ANKRD33B: variants seen among roughly 807,000 people sequenced by gnomAD.
The protein encoded by ANKRD33B is ankyrin repeat domain 33B, also known as ankyrin repeat domain-containing protein 33B.
In ANKRD33B, 6 loss-of-function variants were observed where a neutral mutation model predicts 21.5. The ratio of observed to expected loss-of-function variants is 0.28; its 90% CI spans 0.15 to 0.55. ANKRD33B has a LOEUF of 0.55. Among genes scored for constraint, ANKRD33B ranks in the 20% least tolerant of loss-of-function variants. The probability of loss-of-function intolerance (pLI) is 0.94; values close to 1 mark genes in which losing one functional copy is unlikely to be tolerated. For missense variants in ANKRD33B, 698 were observed against 747.2 expected (o/e 0.93, Z 0.77); for synonymous variants, 347 against 342.4 (o/e 1.01, Z -0.15).
chr5:10,587,044 T>G (rs868819281), intron 1 of ANKRD33B, among the ~76,000 whole-genome samples: 7 of 151,652 alleles, frequency 4.6e-5, no homozygotes, highest in Non-Finnish European at 8.8e-5. Context: ...AGATGGAGTC[T>G]CGCTCTGTCG....
chr5:10,652,066 CTGGTT>C lies in ANKRD33B; in HGVS notation c.*1954_*1958del, dbSNP rs1464242444. 1 of 152,280 alleles carries C rather than the reference CTGGTT, an allele frequency of 6.6e-6. No homozygotes were observed. The highest frequency in any genetic ancestry group is 1.5e-5 in the Non-Finnish European group (1 of 68,054). The allele number at this position is 152,280 out of a possible 1,614,324, so 9.4% of individuals were successfully genotyped here. A position where few individuals can be genotyped will look rare whatever the true frequency, so the allele number is the denominator to read the frequency against. ...GAGGAGGTGGAGACTGTAACTGACA[CTGGTT>C]ATCTTTGGGGTTGTCTTTCCTGAAT... On this transcript the variant is annotated 3_prime_UTR_variant, in exon 4 of 4. Coordinates refer to ENST00000296657, the MANE Select transcript of ANKRD33B (RefSeq NM_001164440.2). This position sits in a 1 kb window ranked among gnomAD's most constrained non-coding sequence, Gnocchi z 4.1.
intron 1 of ANKRD33B, among the ~76,000 whole-genome samples, chr5:10,594,843 G>A (rs1197191048): frequency 6.6e-6 from 1 of 152,176 alleles, no homozygotes; most frequent in Non-Finnish European, 1.5e-5. Flanking sequence ...GACTGCCGTT[G>A]AGCGGGTAGG....
chr5:10,594,221 C>CTTTTTTTTT (rs10658307), intron 1 of ANKRD33B, among the ~76,000 whole-genome samples: 3 of 83,154 alleles, frequency 3.6e-5, no homozygotes, highest in East Asian at 3.6e-4. Context: ...ACACATCCTT[C>CTTTTTTTTT]TTTTTTTTTT....
At chr5:10,597,838 C>G (rs186660854) in intron 1 of ANKRD33B, among the ~76,000 whole-genome samples, 7 of 152,236 alleles carry the variant, frequency 4.6e-5, no homozygotes, top group Admixed American at 4.6e-4. Context: ...CAAACAGTCT[C>G]TCAGACCACA....
intron 1 of ANKRD33B, among the ~76,000 whole-genome samples, chr5:10,571,417 G>T (rs1735185111): frequency 6.6e-6 from 1 of 152,106 alleles, no homozygotes; most frequent in Non-Finnish European, 1.5e-5. Context: ...GGCCAGGCTG[G>T]TCTCAAACTC....
In ANKRD33B at chr5:10,576,186, G is replaced by A. The variant is rs549825857; in HGVS notation, c.366+11353G>A. Among the ~76,000 whole-genome samples the A allele has an allele frequency of 7.9e-5, 12 of 152,278 alleles. No homozygotes were observed. The highest frequency in any genetic ancestry group is 4.1e-4 in the South Asian group (2 of 4,826). ...GTTGAATGAGCGTGAAAAGCTGCAC[G>A]CATGACCTTTTTCCTGTAGCCTTGT... On this transcript the variant is annotated intron_variant, in intron 1 of 3. Transcript: ENST00000296657. This position sits in a 1 kb window ranked among gnomAD's most constrained non-coding sequence, Gnocchi z 4.1.
chr5:10,565,318 G>T (rs958075300), intron 1 of ANKRD33B, among the ~76,000 whole-genome samples: 6 of 152,230 alleles, frequency 3.9e-5, no homozygotes, highest in African/African-American at 1.2e-4. Context: ...GTCCTAACAC[G>T]CTGGGGCGCA....
At position 10,594,310 on chromosome 5, in the gene ANKRD33B, C is replaced by T. The variant is rs568400407; in HGVS notation, c.367-24023C>T. On this transcript the variant is annotated intron_variant, in intron 1 of 3. Transcript: ENST00000296657. ...AATGCCCACCACAACCTCCGCTTGC[C>T]GGGTTCAAGCGATTCTCCTGCCTCA... Among the ~76,000 whole-genome samples the T allele has an allele frequency of 2.3e-4, 34 of 148,874 alleles. No homozygotes were observed. In the South Asian group the frequency reaches 6.5e-3, roughly 29 times the overall value.
At chr5:10,625,400 C>T (rs2126588649) in intron 2 of ANKRD33B, among the ~76,000 whole-genome samples, 1 of 152,344 alleles carries the variant, frequency 6.6e-6, no homozygotes, top group African/African-American at 2.4e-5. Context: ...CCTTTCCAAA[C>T]ACACACGTAT....
chr5:10,617,375 A>G (rs916267112), intron 1 of ANKRD33B, among the ~76,000 whole-genome samples: 2 of 152,028 alleles, frequency 1.3e-5, no homozygotes, highest in African/African-American at 4.8e-5. Flanking sequence ...TGTCGCTCTC[A>G]TTTGATGGCA....
At chr5:10,635,091 G>C (rs1331656345) in intron 2 of ANKRD33B, among the ~76,000 whole-genome samples, 1 of 152,004 alleles carries the variant, frequency 6.6e-6, no homozygotes, top group Non-Finnish European at 1.5e-5. Context: ...ACGCAGAACA[G>C]ATCTATATAA....
chr5:10,580,338 C>A (rs963600358), intron 1 of ANKRD33B, among the ~76,000 whole-genome samples: 38 of 152,222 alleles, frequency 2.5e-4, no homozygotes. Flanking sequence ...GCTGACCTGT[C>A]GCTGCAGAGG....
At chr5:10,640,922 C>T (rs1185621295) in intron 3 of ANKRD33B, among the ~76,000 whole-genome samples, 3 of 152,228 alleles carry the variant, frequency 2.0e-5, no homozygotes, top group African/African-American at 7.2e-5. Flanking sequence ...TACCCTCAAA[C>T]CCTCTTTCAT....
intron 1 of ANKRD33B, among the ~76,000 whole-genome samples, chr5:10,601,195 T>G (rs371466522): frequency 3.9e-5 from 6 of 152,256 alleles, no homozygotes; most frequent in South Asian, 4.1e-4. Flanking sequence ...GGCTGTCTCC[T>G]CCCACACCAG....
chr5:10,617,662 A>C (rs1736315167), intron 1 of ANKRD33B, among the ~76,000 whole-genome samples: 1 of 151,398 alleles, frequency 6.6e-6, no homozygotes, highest in African/African-American at 2.4e-5. Flanking sequence ...GGCTCAGGAC[A>C]CTCCCCCTAC....
chr5:10,603,733 A>G (rs995658532), intron 1 of ANKRD33B, among the ~76,000 whole-genome samples: 1 of 152,152 alleles, frequency 6.6e-6, no homozygotes, highest in African/African-American at 2.4e-5. Context: ...AGATGATTTT[A>G]TATAATTGTT....
intron 2 of ANKRD33B, among the ~76,000 whole-genome samples, chr5:10,624,243 C>T: frequency 6.6e-6 from 1 of 151,344 alleles, no homozygotes. Context: ...GATTCTCTTG[C>T]CTCAGCCTCC....
rs539832244 is a variant in ANKRD33B, at chr5:10,619,313, G to A, written c.496+851G>A. On this transcript the variant is annotated intron_variant, in intron 2 of 3. Coordinates refer to ENST00000296657, the MANE Select transcript of ANKRD33B (RefSeq NM_001164440.2). This position sits in a 1 kb window ranked among gnomAD's most constrained non-coding sequence, Gnocchi z 4.5. ...TGAAGGAAGGAGGGGAAGCTTACAC[G>A]GTTGTCGGGTTGTTGAGAATCCCAC... 6.9e-5 allele frequency: 68 copies of A among 985,462 alleles called. No individual in the cohort carries two copies. In the South Asian group the frequency reaches 1.1e-3, roughly 16 times the overall value. 61.0% of individuals were successfully genotyped at this position (985,462 alleles called of 1,614,324 possible).
At chr5:10,590,375 A>G (rs1387786364) in intron 1 of ANKRD33B, among the ~76,000 whole-genome samples, 1 of 152,176 alleles carries the variant, frequency 6.6e-6, no homozygotes, top group African/African-American at 2.4e-5. Context: ...TCTAGGTTGT[A>G]GTTTTTATAA....
Sources: gnomAD v4.1 joint callset for allele counts (sites outside exome capture counted in the v4.1 genomes callset) on GRCh38, gnomAD v4.1.1 for gene constraint, Gnocchi (gnomAD v3.1) non-coding constraint, MANE v1.5 for transcripts, NCBI Gene and HGNC (gene_info 2026-07-23, HGNC 2026-07-21) for gene names.